Variants in SAAL1 observed in about 807,000 individuals in gnomAD.
SAAL1 encodes the protein serum amyloid A like 1, also known as protein SAAL1.
In SAAL1, 42 loss-of-function variants were observed where a neutral mutation model predicts 59.8. That is an observed-to-expected ratio of 0.70 (90% confidence interval 0.55 to 0.91). The LOEUF (loss-of-function observed/expected upper bound fraction) is 0.91. SAAL1 is among the 40% of genes least tolerant of loss of function. The pLI is 0.00. For missense variants in SAAL1, 542 were observed against 561.1 expected, an observed-to-expected ratio of 0.97 and a Z score of 0.34; for synonymous variants, 191 against 194.3, an observed-to-expected ratio of 0.98 and a Z score of 0.14.
chr11:18,102,654 T>G (rs971639923), intron 2 of SAAL1, among the ~76,000 whole-genome samples: 3 of 152,176 alleles, frequency 2.0e-5, no homozygotes, highest in African/African-American at 4.8e-5. Flanking sequence ...AAAGTCCAGG[T>G]AATAAAACAA....
intron 2 of SAAL1, among the ~76,000 whole-genome samples, chr11:18,100,584 A>G (rs1288833493): frequency 6.6e-6 from 1 of 152,102 alleles, no homozygotes; most frequent in Non-Finnish European, 1.5e-5. Flanking sequence ...ACAGAGCGAG[A>G]CTCTGTCTCA....
intron 2 of SAAL1, among the ~76,000 whole-genome samples, chr11:18,101,013 G>A (rs1307302763): frequency 6.6e-6 from 1 of 152,108 alleles, no homozygotes; most frequent in Non-Finnish European, 1.5e-5. Context: ...ATAAACACAT[G>A]AAAAGATGCT....
chr11:18,090,215 A>T lies in SAAL1; in HGVS notation c.549T>A (p.Ile183=). 1 of 1,605,612 alleles carries T rather than the reference A, an allele frequency of 6.2e-7. No homozygotes were observed. Among genetic ancestry groups the T allele is most frequent in the Non-Finnish European group, 8.5e-7 (1 of 1,177,370 alleles). Residue 183 remains isoleucine, a synonymous_variant, in exon 6 of 12, where the codon ATT becomes ATA. Transcript: ENST00000524803. ...ACATAATGAAGCAAATGCTATCATA[A>T]ATAGCTGGATGTTCCTGGATCCTTT... The part of the protein sequence containing the change: ...WVERIQEHPA[I]YDSICFIMSS...
intron 7 of SAAL1, among the ~76,000 whole-genome samples, chr11:18,088,079 G>A (rs993424619): frequency 6.6e-6 from 1 of 152,166 alleles, no homozygotes; most frequent in Admixed American, 6.5e-5. Context: ...TGAGGTGGAG[G>A]AAACATACTG....
intron 1 of SAAL1, among the ~76,000 whole-genome samples, chr11:18,105,337 T>C (rs1005948566): frequency 2.7e-5 from 4 of 150,210 alleles, no homozygotes; most frequent in African/African-American, 9.8e-5. Context: ...ACCGGCTTTT[T>C]TTTTTTTTTT....
At chr11:18,081,704 A>G in intron 10 of SAAL1, 1 of 569,218 alleles carries the variant, frequency 1.8e-6, no homozygotes, top group Non-Finnish European at 3.1e-6. Context: ...GAAGGGCACC[A>G]CCATCCACCC....
At position 18,089,510 on chromosome 11, in the gene SAAL1, A is replaced by G. The variant is rs1477074176; in HGVS notation, c.590T>C (p.Val197Ala). 4 of 1,609,316 alleles carry G rather than the reference A, an allele frequency of 2.5e-6. No individual in the cohort carries two copies. The highest frequency in any genetic ancestry group is 1.3e-5 in the African/African-American group (1 of 74,574). The stretch of plus-strand genomic sequence containing the variant: ...CTCCCCCACCTTCACCAGCAAGTCA[A>G]CTGCAGAGAATAAAACAGATATTGA... Reference protein sequence around the residue: ...ICFIMSSSTNVDLLVKVGEVV... With the variant: ...ICFIMSSSTNADLLVKVGEVV... The change falls in exon 7 of 12, where the codon GTT becomes GCT. Residue 197 changes from valine to alanine, a missense_variant and splice_region_variant. Physicochemically the swap from Val to Ala is moderately conservative, Grantham distance 64. Transcript: ENST00000524803.
rs774355740 is a variant in SAAL1, at chr11:18,086,930, A to C, written c.978T>G (p.Val326=). ...LQEQKTVLAS[V]FSVLSAIYAS... ...CATAGATGGCAGACAACACTGAAAA[A>C]ACAGAGGCTAGCACTGTTTTCTGTT... The change falls in exon 9 of 12, where the codon GTT becomes GTG. Residue 326 remains valine, a synonymous_variant. Coordinates refer to ENST00000524803, the MANE Select transcript of SAAL1 (RefSeq NM_138421.3). 6.2e-7 allele frequency: 1 copy of C among 1,613,940 alleles called. No homozygotes were observed. The highest frequency in any genetic ancestry group is 1.7e-5 in the Admixed American group (1 of 59,994).
At chr11:18,102,562 A>C (rs16934928) in intron 2 of SAAL1, among the ~76,000 whole-genome samples, 3,451 of 152,288 alleles carry the variant, frequency 0.023, 149 homozygotes, top group African/African-American at 0.08. Flanking sequence ...TCCGGAAAAA[A>C]AGGTAACACG....
At position 18,105,917 on chromosome 11, in the gene SAAL1, C is replaced by T. The variant is rs77233279; in HGVS notation, c.125G>A (p.Gly42Glu). Residue 42 changes from glycine (G) to glutamate (E), a missense_variant, in exon 1 of 12, where the codon GGA becomes GAA. Physicochemically the swap from Gly to Glu is moderately conservative, Grantham distance 98 (BLOSUM62 -2). Transcript: ENST00000524803. Reference protein sequence around the residue: ...SKHWLFGVLSGLIQIVSPENT... With the variant: ...SKHWLFGVLSELIQIVSPENT... ...CGCGAGTTTCCACACCTGGATGAGT[C>T]CGCTGAGGACGCCGAAGAGCCAGTG... The T allele has an allele frequency of 0.026, 41,496 of 1,601,626 alleles. 609 individuals are homozygous for T. Among genetic ancestry groups the T allele is most frequent in the Non-Finnish European group, 0.032 (37,467 of 1,174,640 alleles).
At chr11:18,100,245 C>G (rs1261482153) in intron 2 of SAAL1, among the ~76,000 whole-genome samples, 1 of 152,184 alleles carries the variant, frequency 6.6e-6, no homozygotes, top group African/African-American at 2.4e-5. Context: ...GCAGAACACA[C>G]ATGCTTTTTA....
chr11:18,090,085 A>G, intron 6 of SAAL1, 90 bp downstream of exon 6: 6 of 1,250,184 alleles, frequency 4.8e-6, no homozygotes, highest in Non-Finnish European at 6.5e-6. Context: ...GGCTTTTTTT[A>G]AAAAGGTGAC....
chr11:18,082,363 G>A (rs974114862), intron 10 of SAAL1, among the ~76,000 whole-genome samples: 4 of 151,992 alleles, frequency 2.6e-5, no homozygotes, highest in Non-Finnish European at 4.4e-5. Flanking sequence ...ATCAAAGTAA[G>A]ACACAATTTA....
chr11:18,103,155 G>A, intron 2 of SAAL1, 78 bp downstream of exon 2: 1 of 947,966 alleles, frequency 1.1e-6, no homozygotes, highest in Non-Finnish European at 1.7e-6. Flanking sequence ...CCAGAGTGAA[G>A]GACTGAACCG....
At chr11:18,090,066 T>C in intron 6 of SAAL1, 109 bp downstream of exon 6, 3 of 1,029,370 alleles carry the variant, frequency 2.9e-6, no homozygotes, top group Non-Finnish European at 1.4e-6. Context: ...TTCATTACCT[T>C]GCACTCAAGG....
intron 1 of SAAL1, among the ~76,000 whole-genome samples, 199 bp from the exon 2 acceptor site, chr11:18,103,545 T>G (rs1848657235): frequency 6.6e-6 from 1 of 152,232 alleles, no homozygotes; most frequent in Non-Finnish European, 1.5e-5. Flanking sequence ...GGTACTTTAG[T>G]TTCCTCCTAC....
chr11:18,099,804 T>C (rs147453735), intron 2 of SAAL1, among the ~76,000 whole-genome samples: 11 of 152,310 alleles, frequency 7.2e-5, no homozygotes, highest in African/African-American at 2.6e-4. Context: ...ATAGTGCCCA[T>C]GGACACGTGA....
chr11:18,103,526 T>A (rs1055962918), intron 1 of SAAL1, among the ~76,000 whole-genome samples, 180 bp from the exon 2 acceptor site: 12 of 152,162 alleles, frequency 7.9e-5, no homozygotes, highest in Non-Finnish European at 1.8e-4. Context: ...AGTGCATGAG[T>A]CTGTTCCAGG....
At position 18,087,223 on chromosome 11, in the gene SAAL1, G is replaced by C. The variant is rs200054814; in HGVS notation, c.773C>G (p.Ser258Cys). The C allele has an allele frequency of 6.2e-6, 10 of 1,603,214 alleles. No individual in the cohort carries two copies. The highest frequency in any genetic ancestry group is 7.7e-6 in the Non-Finnish European group (9 of 1,170,502). ...AACATCAAGCCATTCTGGATTTTCA[G>C]AACTAAATAGGAAAAGTAAAAGCAC... is the stretch of plus-strand genomic sequence containing the variant. ...CILEAAKQVRSENPEWLDVYM... is the reference protein window; with the variant it reads ...CILEAAKQVRCENPEWLDVYM... Residue 258 changes from serine (S) to cysteine (C), a missense_variant and splice_region_variant, in exon 8 of 12, where the codon TCT becomes TGT. Ser to Cys is a moderately radical substitution (Grantham distance 112). Coordinates refer to ENST00000524803, the MANE Select transcript of SAAL1 (RefSeq NM_138421.3).
Sources: allele counts gnomAD v4.1 joint callset (sites outside exome capture counted in the v4.1 genomes callset), GRCh38; gene constraint gnomAD v4.1.1; transcripts MANE v1.5; gene names NCBI Gene and HGNC (gene_info 2026-07-23, HGNC 2026-07-21).